Variants in TMTC1 observed in about 807,000 individuals in gnomAD.
The protein encoded by TMTC1 is protein O-mannosyl-transferase TMTC1.
Under a neutral mutation model 104.8 loss-of-function variants are expected in TMTC1, and 73 were observed. The observed-to-expected ratio is 0.70, with a 90% CI of 0.58 to 0.85. TMTC1 has a LOEUF of 0.85. Ranked by LOEUF, TMTC1 falls within the 40% of genes least tolerant of loss-of-function variation. The pLI, the probability that TMTC1 is intolerant of heterozygous loss-of-function variation, is 0.00. For missense variants in TMTC1, 1,035 were observed against 1,096.1 expected, an observed-to-expected ratio of 0.94 and a Z score of 0.79; for synonymous variants, 434 against 428.7, an observed-to-expected ratio of 1.01 and a Z score of -0.15.
rs180894921 is a variant in TMTC1 at position 29,547,004 on chromosome 12, A to G, written c.1676+9853T>C. On this transcript the variant is annotated intron_variant, in intron 10 of 17. Transcript: ENST00000539277. Reference sequence around the variant, plus strand: ...GTCTTTCAGGCAGCACAGGAGCTCAAGGGGACAAGATAACAAAGGATTCCG... The same window carrying G: ...GTCTTTCAGGCAGCACAGGAGCTCAGGGGGACAAGATAACAAAGGATTCCG... Among the ~76,000 whole-genome samples, 49 of 152,314 alleles carry G rather than the reference A, an allele frequency of 3.2e-4. 1 individual carries two copies. In the East Asian group the frequency reaches 8.9e-3, roughly 28 times the overall value.
Position 29,630,695 on chromosome 12 carries a change from C to G in TMTC1, c.1128+2452G>C, listed in dbSNP as rs567297219. Among the ~76,000 whole-genome samples, 794 of 152,196 alleles carry G rather than the reference C, an allele frequency of 5.2e-3. 8 individuals carry two copies. Among genetic ancestry groups the G allele is most frequent in the African/African-American group, 0.018 (765 of 41,518 alleles). On this transcript the variant is annotated intron_variant, in intron 6 of 17. Coordinates refer to ENST00000539277, the MANE Select transcript of TMTC1 (RefSeq NM_001193451.2). ...TGCATGTTAGGTCATTAGATTTTTCCCACTTTGTCTGCTATTATAAATAAA... is the reference window on the plus strand; with the variant it reads ...TGCATGTTAGGTCATTAGATTTTTCGCACTTTGTCTGCTATTATAAATAAA...
chr12:29,602,823 C>T (rs1946601922), intron 7 of TMTC1, among the ~76,000 whole-genome samples: 1 of 152,122 alleles, frequency 6.6e-6, no homozygotes, highest in South Asian at 2.1e-4. Context: ...GATTCACTTA[C>T]TTGTGTAGCA....
intron 5 of TMTC1, among the ~76,000 whole-genome samples, chr12:29,688,140 A>G (rs770524955): frequency 7.2e-5 from 11 of 152,150 alleles, no homozygotes; most frequent in Non-Finnish European, 1.5e-4. Context: ...TCACGTGCTG[A>G]TTTGTGATGG....
chr12:29,514,393 G>T, intron 16 of TMTC1, 89 bp downstream of exon 16: 1 of 1,360,720 alleles, frequency 7.3e-7, no homozygotes. Flanking sequence ...AGTGATCTTA[G>T]ATCTTACTGT....
chr12:29,613,837 C>T (rs1946908851), intron 6 of TMTC1: 1 of 529,774 alleles, frequency 1.9e-6, no homozygotes, highest in Non-Finnish European at 2.4e-6. Flanking sequence ...TCTTCCAAAG[C>T]AGGATGATCA....
At chr12:29,588,472 C>T (rs997327265) in intron 7 of TMTC1, among the ~76,000 whole-genome samples, 1 of 152,334 alleles carries the variant, frequency 6.6e-6, no homozygotes, top group East Asian at 1.9e-4. Context: ...CTGAGCAGGG[C>T]ATCCTATGAA....
intron 9 of TMTC1, among the ~76,000 whole-genome samples, chr12:29,571,306 A>G (rs753678705): frequency 6.6e-6 from 1 of 152,030 alleles, no homozygotes; most frequent in African/African-American, 2.4e-5. Context: ...GGTTAAGTAC[A>G]TGTATTATCT....
intron 5 of TMTC1, among the ~76,000 whole-genome samples, chr12:29,638,704 C>T (rs997621751): frequency 2.6e-5 from 4 of 152,246 alleles, no homozygotes; most frequent in Non-Finnish European, 5.9e-5. Flanking sequence ...AAAGACTCTC[C>T]CCATGACCGG....
chr12:29,506,795 C>T lies in TMTC1; in HGVS notation c.*51G>A. On this transcript the variant is annotated 3_prime_UTR_variant, in exon 18 of 18. Transcript: ENST00000539277. Reference sequence around the variant, plus strand: ...ATGTGAAAGCAAGGCTTCCATCACTCCCCTTTCAGAGGCACCACATTATCC... The same window carrying T: ...ATGTGAAAGCAAGGCTTCCATCACTTCCCTTTCAGAGGCACCACATTATCC... 2 of 1,607,550 alleles carry T rather than the reference C, an allele frequency of 1.2e-6. No individual in the cohort carries two copies. The highest frequency in any genetic ancestry group is 1.7e-6 in the Non-Finnish European group (2 of 1,174,944).
Position 29,758,924 on chromosome 12 carries a change from T to C in TMTC1, c.481-147A>G, listed in dbSNP as rs964143528. On this transcript the variant is annotated intron_variant, in intron 2 of 17. Coordinates refer to ENST00000539277, the MANE Select transcript of TMTC1 (RefSeq NM_001193451.2). ...TCTCACTGTTCTTCAAGTTCTGATA[T>C]ATGGCTAAGCACCTCTGATTATCAT... The C allele has an allele frequency of 5.1e-5, 35 of 685,166 alleles. 2 individuals are homozygous for C. The South Asian group carries it at 6.8e-4, about 13-fold the overall frequency. 42.4% of individuals were successfully genotyped at this position (685,166 alleles called of 1,614,324 possible). A position where few individuals can be genotyped will look rare whatever the true frequency, so the allele number is the denominator to read the frequency against.
chr12:29,606,906 T>C (rs1047784907), intron 6 of TMTC1, among the ~76,000 whole-genome samples: 1 of 152,056 alleles, frequency 6.6e-6, no homozygotes, highest in Non-Finnish European at 1.5e-5. Flanking sequence ...TCACCCAGGC[T>C]GGACCAGGTT....
chr12:29,562,105 T>A (rs1205907859), intron 9 of TMTC1, among the ~76,000 whole-genome samples: 3 of 152,240 alleles, frequency 2.0e-5, no homozygotes, highest in East Asian at 3.8e-4. Flanking sequence ...TAAGTCCTCA[T>A]GTGACTAAAT....
chr12:29,720,511 A>G (rs1942207675), intron 5 of TMTC1, among the ~76,000 whole-genome samples: 2 of 152,250 alleles, frequency 1.3e-5, no homozygotes, highest in Non-Finnish European at 1.5e-5. Context: ...AATAAAAAGC[A>G]TAACTGAAAT....
chr12:29,655,922 A>G (rs1939732405), intron 5 of TMTC1, among the ~76,000 whole-genome samples: 4 of 152,220 alleles, frequency 2.6e-5, no homozygotes. Context: ...AATAAGAAAC[A>G]ATACTTGCAA....
chr12:29,519,464 G>A (rs1446041095), intron 12 of TMTC1: 1 of 152,164 alleles, frequency 6.6e-6, no homozygotes, highest in African/African-American at 2.4e-5. Context: ...TAGCTTCCTG[G>A]TGAAACTATA....
intron 5 of TMTC1, among the ~76,000 whole-genome samples, chr12:29,696,041 A>G (rs1436112773): frequency 5.9e-5 from 9 of 151,902 alleles, no homozygotes; most frequent in African/African-American, 2.2e-4. Context: ...ATTACCTTCC[A>G]GTGGTGTTTT....
chr12:29,501,559 A>G lies in TMTC1; in HGVS notation c.*5287T>C, dbSNP rs561916041. 1.3e-5 allele frequency: 2 copies of G among 150,906 alleles called. No homozygotes were observed. The highest frequency in any genetic ancestry group is 3.9e-4 in the East Asian group (2 of 5,068). 9.3% of individuals were successfully genotyped at this position (150,906 alleles called of 1,614,324 possible). A position where few individuals can be genotyped will look rare whatever the true frequency, so the allele number is the denominator to read the frequency against. ...TTGGGGTAGTGTACCCCTCCTATGG[A>G]CCAGCAAGATAAATAACCCCCAAAG... On this transcript the variant is annotated 3_prime_UTR_variant, in exon 18 of 18. Coordinates refer to ENST00000539277, the MANE Select transcript of TMTC1 (RefSeq NM_001193451.2).
intron 6 of TMTC1, among the ~76,000 whole-genome samples, chr12:29,613,602 T>A (rs750857631): frequency 6.6e-6 from 1 of 152,148 alleles, no homozygotes; most frequent in Non-Finnish European, 1.5e-5. Flanking sequence ...ATTCCCTCTC[T>A]AAGGATTCAA....
intron 5 of TMTC1, among the ~76,000 whole-genome samples, chr12:29,698,880 G>T (rs1196320170): frequency 6.6e-6 from 1 of 152,146 alleles, no homozygotes; most frequent in Non-Finnish European, 1.5e-5. Flanking sequence ...TGCATTGCTG[G>T]AACAACCCCA....
Sources: gnomAD v4.1 joint callset for allele counts (sites outside exome capture counted in the v4.1 genomes callset) on GRCh38, gnomAD v4.1.1 for gene constraint, MANE v1.5 for transcripts, NCBI Gene and HGNC (gene_info 2026-07-23, HGNC 2026-07-21) for gene names.